Variants in RANBP3L observed in about 807,000 individuals in gnomAD.
The protein encoded by RANBP3L is RAN binding protein 3 like.
A neutral mutation model predicts 67.2 loss-of-function variants in RANBP3L; 56 were observed. The ratio of observed to expected loss-of-function variants is 0.83; its 90% CI spans 0.67 to 1.04. The LOEUF (loss-of-function observed/expected upper bound fraction) is 1.04, where lower values mean the gene tolerates loss of function less well. Among genes scored for constraint, RANBP3L ranks in the 50% least tolerant of loss-of-function variants. The pLI, the probability that RANBP3L is intolerant of heterozygous loss-of-function variation, is 0.00. For missense variants in RANBP3L, 496 were observed against 535.5 expected (o/e 0.93, Z 0.73); for synonymous variants, 164 against 181.4 (o/e 0.90, Z 0.77).
intron 1 of RANBP3L, among the ~76,000 whole-genome samples, chr5:36,299,402 T>C (rs145323825): frequency 1.3e-5 from 2 of 151,912 alleles, no homozygotes; most frequent in Admixed American, 1.3e-4. Context: ...TAGAGAACTT[T>C]GATTAATACA....
At chr5:36,263,341 T>C (rs987180087) in intron 6 of RANBP3L, among the ~76,000 whole-genome samples, 2 of 152,132 alleles carry the variant, frequency 1.3e-5, no homozygotes, top group Non-Finnish European at 2.9e-5. Flanking sequence ...AAGAAATATA[T>C]TAATAAATTT....
intron 1 of RANBP3L, among the ~76,000 whole-genome samples, chr5:36,292,252 T>G (rs1017383820): frequency 1.3e-5 from 2 of 151,996 alleles, no homozygotes; most frequent in African/African-American, 4.8e-5. Flanking sequence ...GGGTTGTTTG[T>G]TTTTTTCTTG....
rs754918885 is a variant in RANBP3L at position 36,256,954 on chromosome 5, T to A, written c.890A>T (p.His297Leu). Residue 297 changes from histidine to leucine, a missense_variant, in exon 10 of 14, where the codon CAT (histidine) becomes CTT (leucine). Physicochemically the swap from His to Leu is moderately conservative, Grantham distance 99. Coordinates refer to ENST00000296604, the MANE Select transcript of RANBP3L (RefSeq NM_145000.5). ...IDVITGEETE[H>L]NVLKINCKLF... ...TGATATACAGACCTTTAACACATTA[T>A]GTTCTGTTTCCTCCCCTGTTATAAC... 6.2e-7 allele frequency: 1 copy of A among 1,613,048 alleles called. No homozygotes were observed. Among genetic ancestry groups the A allele is most frequent in the South Asian group, 1.1e-5 (1 of 90,978 alleles).
At chr5:36,262,403 C>A (rs915981634) in intron 6 of RANBP3L, among the ~76,000 whole-genome samples, 3 of 152,166 alleles carry the variant, frequency 2.0e-5, no homozygotes, top group Non-Finnish European at 2.9e-5. Flanking sequence ...TAGTAAAGCT[C>A]TTTTCAGGAC....
chr5:36,299,229 T>C (rs1392456), intron 1 of RANBP3L, among the ~76,000 whole-genome samples: 106,849 of 151,880 alleles, frequency 0.7, 38,513 homozygotes, highest in Middle Eastern at 0.8. Context: ...CAGCCTATTG[T>C]GGGACCTTGT....
chr5:36,297,225 T>A (rs898521611), intron 1 of RANBP3L, among the ~76,000 whole-genome samples: 17 of 152,098 alleles, frequency 1.1e-4, no homozygotes, highest in African/African-American at 4.1e-4. Flanking sequence ...AAAACCATAA[T>A]GAAGAGAAAT....
intron 1 of RANBP3L, among the ~76,000 whole-genome samples, chr5:36,297,492 A>G (rs16902939): frequency 1.9e-4 from 29 of 152,118 alleles, no homozygotes; most frequent in African/African-American, 6.7e-4. Flanking sequence ...AAGAAGCTTG[A>G]CTACACTATT....
chr5:36,256,867 G>T, intron 10 of RANBP3L, 74 bp downstream of exon 10: 1 of 1,341,856 alleles, frequency 7.5e-7, no homozygotes, highest in Non-Finnish European at 1.0e-6. Flanking sequence ...TATTTTTAAA[G>T]ATGCCTCTTC....
chr5:36,263,083 A>G (rs1749512871), intron 6 of RANBP3L, among the ~76,000 whole-genome samples: 1 of 152,198 alleles, frequency 6.6e-6, no homozygotes, highest in Admixed American at 6.5e-5. Flanking sequence ...TCTTTAAATT[A>G]CATTCATTTG....
intron 6 of RANBP3L, among the ~76,000 whole-genome samples, chr5:36,263,373 A>G (rs1037874936): frequency 6.6e-6 from 1 of 152,166 alleles, no homozygotes; most frequent in Non-Finnish European, 1.5e-5. Context: ...ATGCAATGCA[A>G]TATTTACAAA....
chr5:36,261,212 G>T (rs116702087), intron 7 of RANBP3L, among the ~76,000 whole-genome samples: 1,760 of 152,236 alleles, frequency 0.012, 33 homozygotes, highest in African/African-American at 0.04. Flanking sequence ...TCAAGTGGCT[G>T]ATGTTTTAGC....
chr5:36,266,367 C>G (rs1242292104), intron 4 of RANBP3L, among the ~76,000 whole-genome samples: 1 of 152,268 alleles, frequency 6.6e-6, no homozygotes, highest in Non-Finnish European at 1.5e-5. Context: ...GGGATCTCCT[C>G]TTCATTGCAA....
Position 36,248,850 on chromosome 5 carries a change from CATTT to C in RANBP3L, c.*800_*803del, listed in dbSNP as rs1192287164. 6.6e-6 allele frequency: 1 copy of C among 152,090 alleles called. No homozygotes were observed. Among genetic ancestry groups the C allele is most frequent in the African/African-American group, 2.4e-5 (1 of 41,410 alleles). 9.4% of individuals were successfully genotyped at this position (152,090 alleles called of 1,614,324 possible). A position where few individuals can be genotyped will look rare whatever the true frequency, so the allele number is the denominator to read the frequency against. On this transcript the variant is annotated 3_prime_UTR_variant, in exon 14 of 14. Coordinates refer to ENST00000296604, the MANE Select transcript of RANBP3L (RefSeq NM_145000.5). ...TTACTGTAGCCTACTATAATAATAT[CATTT>C]AAGAAAAAGATTCATTTGGCTACAT... is the stretch of plus-strand genomic sequence containing the variant.
chr5:36,288,725 C>T (rs193101546), intron 1 of RANBP3L, among the ~76,000 whole-genome samples: 35 of 152,196 alleles, frequency 2.3e-4, no homozygotes, highest in Admixed American at 6.5e-4. Flanking sequence ...TAACTGATAA[C>T]GTTGAACATC....
At position 36,248,000 on chromosome 5, in the gene RANBP3L, C is replaced by T. The variant is rs1282654246; in HGVS notation, c.*1654G>A. 4.6e-5 allele frequency among the ~76,000 whole-genome samples: 7 copies of T among 152,296 alleles called. No individual in the cohort carries two copies. Among genetic ancestry groups the T allele is most frequent in the Admixed American group, 3.9e-4 (6 of 15,298 alleles). ...CTGAGATCTTAACAATAAAAGAGAACCAGTGCTTTATTATCTTCTCCAAAT... is the reference window on the plus strand; with the variant it reads ...CTGAGATCTTAACAATAAAAGAGAATCAGTGCTTTATTATCTTCTCCAAAT... On this transcript the variant is annotated 3_prime_UTR_variant, in exon 14 of 14. Coordinates refer to ENST00000296604, the MANE Select transcript of RANBP3L (RefSeq NM_145000.5).
intron 1 of RANBP3L, among the ~76,000 whole-genome samples, chr5:36,292,174 A>G (rs1179629730): frequency 1.3e-5 from 2 of 152,064 alleles, no homozygotes; most frequent in Non-Finnish European, 2.9e-5. Flanking sequence ...TTTTTCACGT[A>G]TTTTTTGGCT....
chr5:36,282,538 G>T (rs1751039462), intron 1 of RANBP3L, among the ~76,000 whole-genome samples: 1 of 152,128 alleles, frequency 6.6e-6, no homozygotes, highest in South Asian at 2.1e-4. Context: ...AAGGACACAG[G>T]CCGGATGGAG....
intron 1 of RANBP3L, among the ~76,000 whole-genome samples, chr5:36,282,571 A>C (rs1373702816): frequency 6.6e-6 from 1 of 152,206 alleles, no homozygotes; most frequent in Non-Finnish European, 1.5e-5. Flanking sequence ...AACTTCTTCC[A>C]ATTCTAAAAC....
rs935600404 is a variant in RANBP3L, at chr5:36,260,871, A to G, written c.585-7T>C. 7.8e-7 allele frequency: 1 copy of G among 1,275,724 alleles called. No homozygotes were observed. The highest frequency in any genetic ancestry group is 1.1e-6 in the Non-Finnish European group (1 of 884,798). The allele number at this position is 1,275,724 out of a possible 1,614,324, so 79.0% of individuals were successfully genotyped here. The stretch of plus-strand genomic sequence containing the variant: ...ATCTTCATTTGGTTGACATCTAAGA[A>G]AATGAAATAAGCATTTACTATTTTA... On this transcript the variant is annotated splice_polypyrimidine_tract_variant and splice_region_variant and intron_variant, in intron 7 of 13. Coordinates refer to ENST00000296604, the MANE Select transcript of RANBP3L (RefSeq NM_145000.5).
Sources: allele counts gnomAD v4.1 joint callset (sites outside exome capture counted in the v4.1 genomes callset), GRCh38; gene constraint gnomAD v4.1.1; transcripts MANE v1.5; gene names NCBI Gene and HGNC (gene_info 2026-07-23, HGNC 2026-07-21).